HIBADH: variants seen among roughly 807,000 people sequenced by gnomAD.
HIBADH encodes 3-hydroxyisobutyrate dehydrogenase, mitochondrial.
HIBADH carries 25 observed loss-of-function variants against 36.1 expected under a neutral mutation model. The ratio of observed to expected loss-of-function variants is 0.69; its 90% CI spans 0.50 to 0.97. HIBADH has a LOEUF of 0.97. Ranked by LOEUF, HIBADH falls within the 50% of genes least tolerant of loss-of-function variation. The pLI is 0.00. For missense variants in HIBADH, 421 were observed against 418.0 expected, an observed-to-expected ratio of 1.01 and a Z score of -0.06; for synonymous variants, 160 against 149.5, an observed-to-expected ratio of 1.07 and a Z score of -0.51.
At chr7:27,576,025 A>G (rs1216753807) in intron 4 of HIBADH, among the ~76,000 whole-genome samples, 1 of 152,338 alleles carries the variant, frequency 6.6e-6, no homozygotes, top group South Asian at 2.1e-4. Flanking sequence ...TCAAGGCTGG[A>G]AAGCTTGAGA....
chr7:27,644,315 A>C (rs1466010216), intron 2 of HIBADH, among the ~76,000 whole-genome samples: 1 of 151,558 alleles, frequency 6.6e-6, no homozygotes, highest in Non-Finnish European at 1.5e-5. Flanking sequence ...AATACAAAAA[A>C]TTGGCCGGGC....
chr7:27,546,202 A>G (rs1784233634), intron 4 of HIBADH, among the ~76,000 whole-genome samples: 1 of 152,118 alleles, frequency 6.6e-6, no homozygotes, highest in Non-Finnish European at 1.5e-5. Context: ...TCCCAGGCTC[A>G]AGCAATCCTC....
intron 2 of HIBADH, among the ~76,000 whole-genome samples, chr7:27,642,017 A>T (rs1439103070): frequency 6.6e-6 from 1 of 152,156 alleles, no homozygotes; most frequent in Non-Finnish European, 1.5e-5. Flanking sequence ...CCCACTGTGT[A>T]TTGGGGGAGG....
intron 7 of HIBADH, among the ~76,000 whole-genome samples, chr7:27,529,383 C>T (rs1285101257): frequency 6.6e-6 from 1 of 152,164 alleles, no homozygotes; most frequent in East Asian, 1.9e-4. Context: ...ATTCTAGATG[C>T]CATTAAGAAT....
At position 27,661,646 on chromosome 7, in the gene HIBADH, A is replaced by ATT. The variant is rs367672909; in HGVS notation, c.91+1050_91+1051dup. Among the ~76,000 whole-genome samples, 1,364 of 145,050 alleles carry ATT rather than the reference A, an allele frequency of 9.4e-3. 25 individuals are homozygous for ATT. The highest frequency in any genetic ancestry group is 0.032 in the African/African-American group (1,284 of 39,678). ...CAAGGGGCTCAAATCCTAACCCACT[A>ATT]TTTTTTTTTTAAGCAAAGATTAGAA... On this transcript the variant is annotated intron_variant, in intron 1 of 7. Coordinates refer to ENST00000265395, the MANE Select transcript of HIBADH (RefSeq NM_152740.4).
intron 5 of HIBADH, among the ~76,000 whole-genome samples, chr7:27,539,677 G>A (rs894459326): frequency 3.9e-5 from 6 of 152,058 alleles, no homozygotes; most frequent in Non-Finnish European, 8.8e-5. Context: ...ATGATGAGGG[G>A]GTTAGGGGTG....
At chr7:27,625,279 T>C (rs1029561928) in intron 4 of HIBADH, among the ~76,000 whole-genome samples, 3 of 152,138 alleles carry the variant, frequency 2.0e-5, no homozygotes, top group African/African-American at 7.2e-5. Context: ...TATTTTGGTA[T>C]AGAGAGGTGC....
At chr7:27,565,951 A>C (rs1243456695) in intron 4 of HIBADH, among the ~76,000 whole-genome samples, 1 of 152,170 alleles carries the variant, frequency 6.6e-6, no homozygotes, top group Non-Finnish European at 1.5e-5. Flanking sequence ...ATTAGCATCA[A>C]GTCTTCTTTA....
intron 2 of HIBADH, among the ~76,000 whole-genome samples, chr7:27,635,740 T>C (rs1490669870): frequency 3.3e-5 from 5 of 152,216 alleles, no homozygotes; most frequent in Admixed American, 2.0e-4. Flanking sequence ...GGGATGGTCA[T>C]TGGCCTGGCT....
At chr7:27,577,616 A>C (rs1784731785) in intron 4 of HIBADH, among the ~76,000 whole-genome samples, 1 of 152,196 alleles carries the variant, frequency 6.6e-6, no homozygotes. Context: ...TATGAAAACA[A>C]GGTTTCAGAA....
intron 4 of HIBADH, among the ~76,000 whole-genome samples, chr7:27,548,209 A>AT (rs2128185079): frequency 6.6e-6 from 1 of 151,132 alleles, no homozygotes; most frequent in South Asian, 2.1e-4. Flanking sequence ...AAAAAAAAAA[A>AT]AGTATCATAG....
At chr7:27,661,677 T>G (rs1472742660) in intron 1 of HIBADH, among the ~76,000 whole-genome samples, 1 of 151,190 alleles carries the variant, frequency 6.6e-6, no homozygotes, top group Non-Finnish European at 1.5e-5. Context: ...TAGAAAAAAT[T>G]AATGCCAAGG....
intron 4 of HIBADH, among the ~76,000 whole-genome samples, chr7:27,549,685 C>CT (rs981897957): frequency 1.3e-5 from 2 of 152,102 alleles, no homozygotes; most frequent in African/African-American, 4.8e-5. Flanking sequence ...TGAATTGAAG[C>CT]TTGGTTCTTG....
At position 27,554,461 on chromosome 7, in the gene HIBADH, C is replaced by T. The variant is rs1340533694; in HGVS notation, c.485-11361G>A. Among the ~76,000 whole-genome samples the T allele has an allele frequency of 2.6e-5, 4 of 152,298 alleles. No homozygotes were observed. In the East Asian group the frequency reaches 7.7e-4, roughly 29 times the overall value. Reference sequence around the variant, plus strand: ...TCCTTTCATTCAGCATTAACAATCACAAAGTAAAACAAGGCCAATAACCAA... The same window carrying T: ...TCCTTTCATTCAGCATTAACAATCATAAAGTAAAACAAGGCCAATAACCAA... On this transcript the variant is annotated intron_variant, in intron 4 of 7. Coordinates refer to ENST00000265395, the MANE Select transcript of HIBADH (RefSeq NM_152740.4).
At chr7:27,613,505 T>A (rs917469549) in intron 4 of HIBADH, among the ~76,000 whole-genome samples, 1 of 151,854 alleles carries the variant, frequency 6.6e-6, no homozygotes, top group Non-Finnish European at 1.5e-5. Context: ...ATTCCACTGG[T>A]TCCCCCCAGG....
chr7:27,539,756 C>T (rs527761162), intron 5 of HIBADH, among the ~76,000 whole-genome samples: 21 of 152,154 alleles, frequency 1.4e-4, no homozygotes, highest in Middle Eastern at 3.4e-3. Context: ...TACTAATAGC[C>T]CACTGTTGAC....
At chr7:27,657,479 GA>G (rs34707991) in intron 1 of HIBADH, among the ~76,000 whole-genome samples, 1 of 152,098 alleles carries the variant, frequency 6.6e-6, no homozygotes, top group Non-Finnish European at 1.5e-5. Context: ...TTCTGCTGGT[GA>G]AATCTCAGCA....
At chr7:27,566,943 T>C (rs1194098495) in intron 4 of HIBADH, among the ~76,000 whole-genome samples, 1 of 152,172 alleles carries the variant, frequency 6.6e-6, no homozygotes, top group Non-Finnish European at 1.5e-5. Flanking sequence ...AAGGGTGGTT[T>C]TGATCCAGGA....
chr7:27,547,549 A>G (rs1325887587), intron 4 of HIBADH, among the ~76,000 whole-genome samples: 1 of 152,178 alleles, frequency 6.6e-6, no homozygotes, highest in African/African-American at 2.4e-5. Context: ...AGAGAGAAGG[A>G]AAGTCTCAAG....
Sources: allele counts gnomAD v4.1 joint callset (sites outside exome capture counted in the v4.1 genomes callset), GRCh38; gene constraint gnomAD v4.1.1; transcripts MANE v1.5; gene names NCBI Gene and HGNC (gene_info 2026-07-23, HGNC 2026-07-21).